HCFC1R1: variants seen among roughly 807,000 people sequenced by gnomAD.
HCFC1R1 encodes the protein HCF-1 beta-propeller-interacting protein.
A neutral mutation model predicts 13.3 loss-of-function variants in HCFC1R1; 17 were observed. The observed-to-expected ratio is 1.28, with a 90% confidence interval of 0.87 to 1.91. HCFC1R1 has a LOEUF of 1.91. Among genes scored for constraint, HCFC1R1 ranks in the 40% most tolerant of loss-of-function variants. The pLI is 0.00. For synonymous variants in HCFC1R1, 87 were observed against 71.1 expected (o/e 1.22, Z -1.12); for missense variants, 218 against 177.9 (o/e 1.23, Z -1.28).
At chr16:3,023,574 C>A in intron 1 of HCFC1R1, 44 bp from the exon 2 acceptor site, 1 of 1,521,888 alleles carries the variant, frequency 6.6e-7, no homozygotes, top group Non-Finnish European at 8.8e-7. Context: ...CTCTTGGCCC[C>A]TTCCCAAGGA....
chr16:3,024,163 G>A (rs1356133612), upstream of HCFC1R1: 2 of 812,744 alleles, frequency 2.5e-6, no homozygotes, highest in Non-Finnish European at 3.9e-6. Flanking sequence ...TAATGTCGGG[G>A]GTCTTCGCGG....
At chr16:3,023,429 G>T (rs768452406) in intron 2 of HCFC1R1, 45 bp downstream of exon 2, 1 of 1,613,946 alleles carries the variant, frequency 6.2e-7, no homozygotes, top group South Asian at 1.1e-5. Context: ...GGGACCAGAG[G>T]TGACAGAGAT....
intron 1 of HCFC1R1, 22 bp downstream of exon 1, chr16:3,023,825 C>A: frequency 6.6e-7 from 1 of 1,523,978 alleles, no homozygotes. Flanking sequence ...TGGTCAGGCC[C>A]ACCCTGGTCC....
Position 3,023,242 on chromosome 16 carries a change from G to T in HCFC1R1, c.272C>A (p.Pro91His). The T allele has an allele frequency of 6.4e-7, 1 of 1,553,906 alleles. No individual in the cohort carries two copies. Residue 91 changes from proline to histidine, a missense_variant, in exon 3 of 4, where the codon CCC (proline) becomes CAC (histidine). Transcript: ENST00000248089. ...CAGTGGAGGAACCTACCTGAGTGGG[G>T]GCAGGGCTGGGGAGAAGGTCATGGG... ...SPPMTFSPAL[P>H]PLRSPCSELL...
At chr16:3,023,027 G>C in intron 3 of HCFC1R1, 29 bp from the exon 4 acceptor site, 1 of 1,590,134 alleles carries the variant, frequency 6.3e-7, no homozygotes, top group Non-Finnish European at 8.5e-7. Flanking sequence ...GTCAGGGCAT[G>C]GAGCTGAGGC....
chr16:3,024,120 C>T (rs2072712940), upstream of HCFC1R1: 6 of 712,382 alleles, frequency 8.4e-6, no homozygotes, highest in East Asian at 2.7e-5. Flanking sequence ...GGAGGGTATC[C>T]GGCTTAAGGG....
chr16:3,022,961 C>G lies in HCFC1R1; in HGVS notation c.319G>C (p.Gly107Arg), dbSNP rs777788351. ...CSELLLWRYPGSLIPEALRLL... is the reference protein window; with the variant it reads ...CSELLLWRYPRSLIPEALRLL... ...CGGAGGGCCTCAGGGATGAGGCTGC[C>G]AGGATAGCGCCAGAGAAGCAGCTCA... Residue 107 changes from glycine (G) to arginine (R), a missense_variant, in exon 4 of 4, where the codon GGC becomes CGC. Gly to Arg is a moderately radical substitution (Grantham distance 125). Coordinates refer to ENST00000248089, the MANE Select transcript of HCFC1R1 (RefSeq NM_017885.4). 3.1e-6 allele frequency: 5 copies of G among 1,589,966 alleles called. No individual in the cohort carries two copies. The highest frequency in any genetic ancestry group is 3.4e-6 in the Non-Finnish European group (4 of 1,172,790).
rs371111252 is a variant in HCFC1R1, at chr16:3,022,936, C to T, written c.344G>A (p.Arg115His). The T allele has an allele frequency of 1.2e-5, 19 of 1,574,292 alleles. 2 individuals carry two copies. Among genetic ancestry groups the T allele is most frequent in the South Asian group, 9.4e-5 (8 of 84,824 alleles). Reference sequence around the variant, plus strand: ...GGGGGTGTCCCCCAGCCTCAGCAGACGGAGGGCCTCAGGGATGAGGCTGCC... The same window carrying T: ...GGGGGTGTCCCCCAGCCTCAGCAGATGGAGGGCCTCAGGGATGAGGCTGCC... ...YPGSLIPEAL[R>H]LLRLGDTPSP... Residue 115 changes from arginine to histidine, a missense_variant, in exon 4 of 4, where the codon CGT (arginine) becomes CAT (histidine). Transcript: ENST00000248089.
Position 3,023,545 on chromosome 16 carries a change from G to C in HCFC1R1, c.96-15C>G. 6.4e-7 allele frequency: 1 copy of C among 1,569,798 alleles called. No individual in the cohort carries two copies. Among genetic ancestry groups the C allele is most frequent in the Non-Finnish European group, 8.6e-7 (1 of 1,156,794 alleles). On this transcript the variant is annotated splice_polypyrimidine_tract_variant and intron_variant, in intron 1 of 3. Transcript: ENST00000248089. ...GGAGAGGGGAGCTGGGAAAAAAAGA[G>C]AGCCTGGTGCACCCCACCCTCTTGG...
At chr16:3,024,245 A>C, upstream of HCFC1R1, 1 of 1,578,878 alleles carries the variant, frequency 6.3e-7, no homozygotes, top group East Asian at 2.2e-5. Context: ...GTAGGGCGCC[A>C]CGGAGAGGAA....
At chr16:3,024,214 G>A, upstream of HCFC1R1, 2 of 1,371,198 alleles carry the variant, frequency 1.5e-6, no homozygotes, top group Non-Finnish European at 2.0e-6. Flanking sequence ...GTACGCACCA[G>A]CCACCTTCGC....
chr16:3,023,482 C>A lies in HCFC1R1; in HGVS notation c.144G>T (p.Glu48Asp). ...AVPMSTKRRL[E>D]EEQEPLRKQF... ...CCTGCCCCCAAACTCACTGCTCCTC[C>A]TCCAGGCGCCGCTTGGTGCTCATGG... Residue 48 changes from glutamate to aspartate, a missense_variant, in exon 2 of 4, where the codon GAG becomes GAT. Coordinates refer to ENST00000248089, the MANE Select transcript of HCFC1R1 (RefSeq NM_017885.4). 1 of 1,612,736 alleles carries A rather than the reference C, an allele frequency of 6.2e-7. No individual in the cohort carries two copies. The highest frequency in any genetic ancestry group is 1.1e-5 in the South Asian group (1 of 91,042).
chr16:3,024,136 C>T (rs1236640699), upstream of HCFC1R1: 17 of 722,086 alleles, frequency 2.4e-5, no homozygotes, highest in South Asian at 8.8e-5. Flanking sequence ...AAGGGGGCTG[C>T]GGTGGACACC....
chr16:3,023,595 T>G, intron 1 of HCFC1R1, 65 bp from the exon 2 acceptor site: 3 of 1,484,694 alleles, frequency 2.0e-6, no homozygotes, highest in Non-Finnish European at 2.7e-6. Flanking sequence ...TCTGCCCGCC[T>G]AAGCCTGCAG....
chr16:3,023,767 C>G, intron 1 of HCFC1R1, 80 bp downstream of exon 1: 1 of 1,202,922 alleles, frequency 8.3e-7, no homozygotes, highest in Non-Finnish European at 1.2e-6. Flanking sequence ...ACCCCGTATT[C>G]ATCCTGCAGA....
chr16:3,023,460 G>A lies in HCFC1R1; in HGVS notation c.152+14C>T, dbSNP rs1327495838. On this transcript the variant is annotated intron_variant, in intron 2 of 3. Transcript: ENST00000248089. ...GAGATCTTGTTGGGAGTCCCTCCCT[G>A]CCCCCAAACTCACTGCTCCTCCTCC... 6.2e-7 allele frequency: 1 copy of A among 1,613,422 alleles called. No homozygotes were observed. Among genetic ancestry groups the A allele is most frequent in the African/African-American group, 1.3e-5 (1 of 74,996 alleles).
upstream of HCFC1R1, chr16:3,023,964 G>A: frequency 6.6e-7 from 1 of 1,518,786 alleles, no homozygotes; most frequent in Non-Finnish European, 8.9e-7. Context: ...TCCTGCGGGT[G>A]GGATCTGGGC....
rs956428551 is a variant in HCFC1R1 at position 3,022,733 on chromosome 16, T to C, written c.*130A>G. 1.2e-5 allele frequency: 9 copies of C among 734,572 alleles called. No individual in the cohort carries two copies. Among genetic ancestry groups the C allele is most frequent in the Admixed American group, 4.4e-5 (1 of 22,592 alleles). 45.5% of individuals were successfully genotyped at this position (734,572 alleles called of 1,614,324 possible). On this transcript the variant is annotated 3_prime_UTR_variant, in exon 4 of 4. Transcript: ENST00000248089. ...ACTCCGTTGGGCTCAGTGTCCTCTG[T>C]TGAGGGAAGGTCTTGGTGCCCAGAT...
upstream of HCFC1R1, chr16:3,023,981 G>A: frequency 6.9e-7 from 1 of 1,443,334 alleles, no homozygotes; most frequent in African/African-American, 1.4e-5. Flanking sequence ...GGGCGACAGG[G>A]GAGGAGTCTC....
Sources: allele counts gnomAD v4.1 joint callset, GRCh38; gene constraint gnomAD v4.1.1; transcripts MANE v1.5; gene names NCBI Gene and HGNC (gene_info 2026-07-23, HGNC 2026-07-21).